Variants in SASS6 observed in about 807,000 individuals in gnomAD.
The protein encoded by SASS6 is SAS-6 centriolar assembly protein, also known as spindle assembly abnormal protein 6 homolog.
Under a neutral mutation model 94.9 loss-of-function variants are expected in SASS6, and 59 were observed. The ratio of observed to expected loss-of-function variants is 0.62; its 90% CI spans 0.50 to 0.77. The LOEUF (loss-of-function observed/expected upper bound fraction) is 0.77, where lower values mean the gene tolerates loss of function less well. SASS6 is among the 30% of genes least tolerant of loss of function. The probability of loss-of-function intolerance (pLI) is 0.00; values close to 1 mark genes in which losing one functional copy is unlikely to be tolerated. For missense variants in SASS6, 698 were observed against 734.1 expected (o/e 0.95, Z 0.57); for synonymous variants, 264 against 270.0 (o/e 0.98, Z 0.22).
intron 1 of SASS6, among the ~76,000 whole-genome samples, chr1:100,130,890 G>A (rs2101698863): frequency 6.6e-6 from 1 of 152,304 alleles, no homozygotes; most frequent in Middle Eastern, 3.4e-3. Context: ...GAGCATGGCT[G>A]TATTCCAAGA....
rs944422483 is a variant in SASS6 at position 100,108,989 on chromosome 1, A to C, written c.862-985T>G. ...ACTGAATACTCAGCAGTTAAAAAAA[A>C]AAGCTCCAAGAACTAACAATTTGCA... On this transcript the variant is annotated intron_variant, in intron 8 of 16. Coordinates refer to ENST00000287482, the MANE Select transcript of SASS6 (RefSeq NM_194292.3). 7.3e-5 allele frequency among the ~76,000 whole-genome samples: 11 copies of C among 151,386 alleles called. No individual in the cohort carries two copies. In the East Asian group the frequency reaches 2.1e-3, roughly 29 times the overall value.
At chr1:100,106,498 T>C (rs1652915094) in intron 12 of SASS6, among the ~76,000 whole-genome samples, 1 of 152,160 alleles carries the variant, frequency 6.6e-6, no homozygotes, top group East Asian at 1.9e-4. Flanking sequence ...CAGAAATTAC[T>C]TATATATTGG....
At chr1:100,107,213 T>C (rs982610931) in intron 11 of SASS6, among the ~76,000 whole-genome samples, 161 bp downstream of exon 11, 1 of 152,070 alleles carries the variant, frequency 6.6e-6, no homozygotes, top group Non-Finnish European at 1.5e-5. Context: ...GATAACTAAC[T>C]TTCCAAACTG....
chr1:100,091,529 A>C (rs577645415), intron 14 of SASS6, among the ~76,000 whole-genome samples: 1 of 152,072 alleles, frequency 6.6e-6, no homozygotes. Flanking sequence ...AGTCAACCCC[A>C]AGATGACACA....
intron 13 of SASS6, among the ~76,000 whole-genome samples, chr1:100,104,879 G>A (rs1036787463): frequency 2.6e-5 from 4 of 151,600 alleles, no homozygotes. Context: ...CCTGAGCCCA[G>A]GAGGTCAAGG....
rs1387440217 is a variant in SASS6, at chr1:100,083,665, C to T, written c.*1663G>A. On this transcript the variant is annotated 3_prime_UTR_variant, in exon 17 of 17. Transcript: ENST00000287482. ...GATTATTAACACATGTACAATTTTA[C>T]ACTGCAAAACAATTGCAACTAAAAG... 18 of 151,974 alleles carry T rather than the reference C, an allele frequency of 1.2e-4. No homozygotes were observed. 9.4% of individuals were successfully genotyped at this position (151,974 alleles called of 1,614,324 possible).
Position 100,132,848 on chromosome 1 carries a change from G to A in SASS6, c.-34C>T, listed in dbSNP as rs1411578980. 3 of 1,592,984 alleles carry A rather than the reference G, an allele frequency of 1.9e-6. No homozygotes were observed. The highest frequency in any genetic ancestry group is 2.7e-5 in the African/African-American group (2 of 74,504). On this transcript the variant is annotated 5_prime_UTR_variant, in exon 1 of 17. Coordinates refer to ENST00000287482, the MANE Select transcript of SASS6 (RefSeq NM_194292.3). ...GCTGCCTCGGCTGGTGTGCAGAAAA[G>A]CCCAACAGGCCCGGCCCTCGGGATT...
In SASS6 at chr1:100,132,820, C is replaced by T. The variant is rs1457916342; in HGVS notation, c.-6G>A. The T allele has an allele frequency of 8.1e-6, 13 of 1,613,620 alleles. No homozygotes were observed. The highest frequency in any genetic ancestry group is 1.6e-4 in the Middle Eastern group (1 of 6,080). ...TGGAACAGCACTTGGCTCATGTTGG[C>T]TCGCTGCCTCGGCTGGTGTGCAGAA... On this transcript the variant is annotated 5_prime_UTR_variant, in exon 1 of 17. Coordinates refer to ENST00000287482, the MANE Select transcript of SASS6 (RefSeq NM_194292.3).
intron 3 of SASS6, 146 bp downstream of exon 3, chr1:100,123,064 C>A: frequency 4.5e-6 from 2 of 448,008 alleles, no homozygotes; most frequent in South Asian, 7.5e-5. Flanking sequence ...TTCCAAAACA[C>A]CCTAAGTAAA....
chr1:100,087,185 T>C (rs1570679630), intron 15 of SASS6, among the ~76,000 whole-genome samples: 1 of 151,582 alleles, frequency 6.6e-6, no homozygotes, highest in East Asian at 1.9e-4. Context: ...TTTCACCATG[T>C]TGGCCAGGCT....
At chr1:100,101,888 C>T (rs114834579) in intron 14 of SASS6, among the ~76,000 whole-genome samples, 1 of 152,334 alleles carries the variant, frequency 6.6e-6, no homozygotes, top group Non-Finnish European at 1.5e-5. Context: ...ACACAGCCAA[C>T]TTATTTTTAG....
chr1:100,132,476 T>A (rs1655135944), intron 1 of SASS6, among the ~76,000 whole-genome samples: 1 of 152,180 alleles, frequency 6.6e-6, no homozygotes, highest in Admixed American at 6.5e-5. Flanking sequence ...AGTAGGGCTA[T>A]AATCTTCACG....
In SASS6 at chr1:100,085,644, T is replaced by C; in HGVS notation, c.1773-14A>G. ...ACATTTTCACCACTTAAAAAGAAAA[T>C]GGTAATAACTTATTTAACAAAGTCT... is the stretch of plus-strand genomic sequence containing the variant. On this transcript the variant is annotated splice_polypyrimidine_tract_variant and intron_variant, in intron 15 of 16. Transcript: ENST00000287482. 1 of 1,469,156 alleles carries C rather than the reference T, an allele frequency of 6.8e-7. No individual in the cohort carries two copies. The highest frequency in any genetic ancestry group is 9.5e-7 in the Non-Finnish European group (1 of 1,053,136). The allele number at this position is 1,469,156 out of a possible 1,614,324, so 91.0% of individuals were successfully genotyped here. A position where few individuals can be genotyped will look rare whatever the true frequency, so the allele number is the denominator to read the frequency against.
chr1:100,120,105 G>A (rs1358413907), intron 6 of SASS6, among the ~76,000 whole-genome samples: 3 of 152,214 alleles, frequency 2.0e-5, no homozygotes, highest in Non-Finnish European at 4.4e-5. Context: ...AACAAGTGGG[G>A]AGTGGAGAAC....
At chr1:100,111,559 TATAGA>T (rs1414886074) in intron 7 of SASS6, among the ~76,000 whole-genome samples, 3 of 152,032 alleles carry the variant, frequency 2.0e-5, no homozygotes, top group Non-Finnish European at 4.4e-5. Context: ...TATGATCAAT[TATAGA>T]ATAAAGAATA....
chr1:100,088,328 TTGC>T, intron 14 of SASS6, 92 bp from the exon 15 acceptor site: 1 of 642,522 alleles, frequency 1.6e-6, no homozygotes. Context: ...CCTTGCTCTG[TTGC>T]TTAAGCTGGA....
At chr1:100,106,830 G>T in intron 12 of SASS6, 82 bp downstream of exon 12, 1 of 672,502 alleles carries the variant, frequency 1.5e-6, no homozygotes, top group Non-Finnish European at 2.7e-6. Flanking sequence ...CTCCAGCCTC[G>T]GTGACAGAGT....
At chr1:100,109,660 A>C (rs1454996731) in intron 8 of SASS6, among the ~76,000 whole-genome samples, 1 of 152,056 alleles carries the variant, frequency 6.6e-6, no homozygotes, top group Non-Finnish European at 1.5e-5. Context: ...TATTAAAGAT[A>C]GTCAAATAAT....
rs1226666551 is a variant in SASS6, at chr1:100,132,902, T to A, written c.-88A>T. 4 of 1,311,180 alleles carry A rather than the reference T, an allele frequency of 3.1e-6. No homozygotes were observed. The highest frequency in any genetic ancestry group is 4.4e-6 in the Non-Finnish European group (4 of 918,614). 81.2% of individuals were successfully genotyped at this position (1,311,180 alleles called of 1,614,324 possible). ...CTGAGAGGTCCGGGTCCTGATAAAG[T>A]TTGAGTTTGGCGCTCGGCTTCTGCG... On this transcript the variant is annotated 5_prime_UTR_variant, in exon 1 of 17. Transcript: ENST00000287482.
Sources: gnomAD v4.1 joint callset for allele counts (sites outside exome capture counted in the v4.1 genomes callset) on GRCh38, gnomAD v4.1.1 for gene constraint, MANE v1.5 for transcripts, NCBI Gene and HGNC (gene_info 2026-07-23, HGNC 2026-07-21) for gene names.